DYNC2H1: variants seen among roughly 807,000 people sequenced by gnomAD.
The protein encoded by DYNC2H1 is cytoplasmic dynein 2 heavy chain 1.
Under a neutral mutation model 570.0 loss-of-function variants are expected in DYNC2H1, and 410 were observed. That is an observed-to-expected ratio of 0.72 (90% confidence interval 0.66 to 0.78). The LOEUF is 0.78. Among genes scored for constraint, DYNC2H1 ranks in the 30% least tolerant of loss-of-function variants. DYNC2H1 has a pLI of 0.00. For synonymous variants in DYNC2H1, 1,688 were observed against 1,677.6 expected (o/e 1.01, Z -0.15); for missense variants, 4,865 against 5,046.4 (o/e 0.96, Z 1.09).
At chr11:103,345,796 G>A (rs909642161) in intron 82 of DYNC2H1, among the ~76,000 whole-genome samples, 11 of 152,098 alleles carry the variant, frequency 7.2e-5, no homozygotes, top group African/African-American at 2.7e-4. Context: ...AGACTACTGG[G>A]GAGTAAGACT....
chr11:103,270,018 C>T (rs184169452), intron 70 of DYNC2H1, among the ~76,000 whole-genome samples: 14 of 151,892 alleles, frequency 9.2e-5, no homozygotes, highest in Admixed American at 3.3e-4. Context: ...CATGGTGAAA[C>T]GCCATCTCTA....
Position 103,231,341 on chromosome 11 carries a change from A to G in DYNC2H1, c.9435A>G (p.Lys3145=). The part of the protein sequence containing the change: ...NSVGQKVSEL[K]EKFQSRTSEA... Reference sequence around the variant, plus strand: ...TTGGTCAAAAGGTATCAGAACTCAAAGAAAAGTAAGTTATATTTTGAAGTG... The same window carrying G: ...TTGGTCAAAAGGTATCAGAACTCAAGGAAAAGTAAGTTATATTTTGAAGTG... The change falls in exon 60 of 89, where the codon AAA becomes AAG. Residue 3145 remains lysine (K), a synonymous_variant. Transcript: ENST00000375735. 6.3e-7 allele frequency: 1 copy of G among 1,594,700 alleles called. No homozygotes were observed. The highest frequency in any genetic ancestry group is 1.1e-5 in the South Asian group (1 of 87,916).
chr11:103,380,008 C>G (rs1482829260), intron 83 of DYNC2H1, among the ~76,000 whole-genome samples: 1 of 152,108 alleles, frequency 6.6e-6, no homozygotes, highest in African/African-American at 2.4e-5. Flanking sequence ...AATGAAAGAA[C>G]TTAAGACCAA....
In DYNC2H1 at chr11:103,148,497, A is replaced by C. The variant is rs1487563615; in HGVS notation, c.2826A>C (p.Leu942Phe). ...TTCAATGTTACCACTCAGCTCATTT[A>C]CATGAAATTGATACATTTGTTACTG... ...LSLKKSIQAH[L>F]HEIDTFVTEA... Residue 942 changes from leucine (L) to phenylalanine (F), a missense_variant, in exon 20 of 89, where the codon TTA (leucine) becomes TTC (phenylalanine). Leu to Phe is a conservative substitution (Grantham distance 22, BLOSUM62 0). Coordinates refer to ENST00000375735, the MANE Select transcript of DYNC2H1 (RefSeq NM_001377.3). 6.4e-7 allele frequency: 1 copy of C among 1,559,524 alleles called. No individual in the cohort carries two copies.
intron 52 of DYNC2H1, among the ~76,000 whole-genome samples, chr11:103,207,240 TTTAA>T (rs756348941): frequency 0.078 from 2,265 of 29,100 alleles, 44 homozygotes; most frequent in African/African-American, 0.15. Flanking sequence ...TTTTTTTTTT[TTTAA>T]AAAAAGATGG....
rs1861870279 is a variant in DYNC2H1 at position 103,182,014 on chromosome 11, A to G, written c.6477+128A>G. ...TGTGAGGTGAGAGGTGGATTTTGTC[A>G]CTGCTACTCCTCTGTATCTCTTAGC... On this transcript the variant is annotated intron_variant, in intron 40 of 88. Transcript: ENST00000375735. 3.3e-6 allele frequency: 3 copies of G among 905,358 alleles called. No individual in the cohort carries two copies. The South Asian group carries it at 5.7e-5, about 17-fold the overall frequency. 56.1% of individuals were successfully genotyped at this position (905,358 alleles called of 1,614,324 possible).
chr11:103,259,194 C>G (rs1475171883), intron 69 of DYNC2H1, among the ~76,000 whole-genome samples: 4 of 152,062 alleles, frequency 2.6e-5, no homozygotes, highest in Non-Finnish European at 5.9e-5. Flanking sequence ...ATTGATCTTC[C>G]TAAGACATGT....
At chr11:103,419,212 CT>C (rs1943394225) in intron 84 of DYNC2H1, among the ~76,000 whole-genome samples, 1 of 152,184 alleles carries the variant, frequency 6.6e-6, no homozygotes, top group Non-Finnish European at 1.5e-5. Context: ...AGCCTGCTGG[CT>C]TGGGAGAATA....
intron 83 of DYNC2H1, among the ~76,000 whole-genome samples, chr11:103,368,660 C>G (rs1941016765): frequency 6.6e-6 from 1 of 152,248 alleles, no homozygotes; most frequent in African/African-American, 2.4e-5. Flanking sequence ...TTAAAAAATC[C>G]TTGCCCAGCC....
At chr11:103,470,878 G>A (rs759556189) in intron 88 of DYNC2H1, among the ~76,000 whole-genome samples, 31 of 152,234 alleles carry the variant, frequency 2.0e-4, no homozygotes, top group African/African-American at 5.5e-4. Flanking sequence ...ATAAACATAC[G>A]TGTGCATGTG....
intron 85 of DYNC2H1, among the ~76,000 whole-genome samples, chr11:103,447,263 T>C (rs992756338): frequency 3.9e-5 from 6 of 152,158 alleles, no homozygotes; most frequent in Non-Finnish European, 8.8e-5. Flanking sequence ...AGTACTCTAA[T>C]AGGTGGCTAT....
intron 85 of DYNC2H1, among the ~76,000 whole-genome samples, chr11:103,441,528 C>G (rs1944268528): frequency 6.6e-6 from 1 of 151,820 alleles, no homozygotes; most frequent in African/African-American, 2.4e-5. Flanking sequence ...GTTTACTGCC[C>G]CATCCAAGCA....
chr11:103,365,977 T>C (rs1024931329), intron 83 of DYNC2H1, among the ~76,000 whole-genome samples: 2 of 152,254 alleles, frequency 1.3e-5, no homozygotes, highest in Non-Finnish European at 2.9e-5. Flanking sequence ...AATGAATTTA[T>C]ATCTTAAGAG....
intron 65 of DYNC2H1, among the ~76,000 whole-genome samples, chr11:103,251,399 G>A (rs544166085): frequency 6.6e-6 from 1 of 151,748 alleles, no homozygotes; most frequent in Non-Finnish European, 1.5e-5. Context: ...TTTTTGTTGG[G>A]TTTTTTAAAA....
chr11:103,390,992 G>A lies in DYNC2H1; in HGVS notation c.12157-8671G>A, dbSNP rs192708236. On this transcript the variant is annotated intron_variant, in intron 83 of 88. Coordinates refer to ENST00000375735, the MANE Select transcript of DYNC2H1 (RefSeq NM_001377.3). ...TATGTGTTTTGGAGTTGCTCTTCTC[G>A]AGGAGTATCTTTGTGGCATTCTCTG... is the stretch of plus-strand genomic sequence containing the variant. Among the ~76,000 whole-genome samples the A allele has an allele frequency of 3.9e-5, 6 of 151,984 alleles. No individual in the cohort carries two copies. In the South Asian group the frequency reaches 6.2e-4, roughly 16 times the overall value.
chr11:103,436,114 G>A (rs973518342), intron 85 of DYNC2H1, 82 bp downstream of exon 85: 3 of 1,185,390 alleles, frequency 2.5e-6, no homozygotes, highest in Middle Eastern at 1.9e-4. Flanking sequence ...CTAATCACTA[G>A]TGAGAATTAC....
chr11:103,442,745 A>T (rs1050791120), intron 85 of DYNC2H1, among the ~76,000 whole-genome samples: 6 of 152,104 alleles, frequency 3.9e-5, no homozygotes, highest in African/African-American at 1.4e-4. Context: ...CTTTCATCAC[A>T]TGCATACCAA....
intron 12 of DYNC2H1, among the ~76,000 whole-genome samples, chr11:103,127,999 A>C (rs1185745928): frequency 1.3e-5 from 2 of 152,232 alleles, no homozygotes; most frequent in African/African-American, 4.8e-5. Context: ...GTAACATTTG[A>C]GAAGAGACAT....
intron 83 of DYNC2H1, among the ~76,000 whole-genome samples, chr11:103,385,028 T>C (rs1181647179): frequency 2.0e-5 from 3 of 152,184 alleles, no homozygotes; most frequent in Non-Finnish European, 4.4e-5. Flanking sequence ...TTCTGGTTTC[T>C]GTTGTTGAGA....
Sources: allele counts gnomAD v4.1 joint callset (sites outside exome capture counted in the v4.1 genomes callset), GRCh38; gene constraint gnomAD v4.1.1; transcripts MANE v1.5; gene names NCBI Gene and HGNC (gene_info 2026-07-23, HGNC 2026-07-21).